AASDH: variants seen among roughly 807,000 people sequenced by gnomAD.
AASDH encodes beta-alanine-activating enzyme.
A neutral mutation model predicts 102.3 loss-of-function variants in AASDH; 81 were observed. That is an observed-to-expected ratio of 0.79 (90% CI 0.66 to 0.95). The LOEUF (loss-of-function observed/expected upper bound fraction) is 0.95, where lower values mean the gene tolerates loss of function less well. AASDH is among the 40% of genes least tolerant of loss of function. The probability of loss-of-function intolerance (pLI) is 0.00; values close to 1 mark genes in which losing one functional copy is unlikely to be tolerated. For missense variants in AASDH, 1,203 were observed against 1,266.2 expected, an observed-to-expected ratio of 0.95 and a Z score of 0.76; for synonymous variants, 398 against 454.0, an observed-to-expected ratio of 0.88 and a Z score of 1.57.
chr4:56,351,413 T>G lies in AASDH; in HGVS notation c.1621A>C (p.Ile541Leu), dbSNP rs1032694635. ...AGCTTATTCTCAGACTTCAAGTTTA[T>G]GTAGTTTAAATATATCTTGTTTAAC... Reference protein sequence around the residue: ...SELNKIYLNYINLKSENKLSG... With the variant: ...SELNKIYLNYLNLKSENKLSG... Residue 541 changes from isoleucine to leucine, a missense_variant, in exon 10 of 15, where the codon ATA (isoleucine) becomes CTA (leucine). Physicochemically the swap from Ile to Leu is conservative, Grantham distance 5. Transcript: ENST00000205214. 6.2e-7 allele frequency: 1 copy of G among 1,603,568 alleles called. No homozygotes were observed. The highest frequency in any genetic ancestry group is 1.1e-5 in the South Asian group (1 of 89,562).
intron 4 of AASDH, among the ~76,000 whole-genome samples, chr4:56,375,899 A>C (rs1310246523): frequency 1.3e-5 from 2 of 151,998 alleles, no homozygotes; most frequent in Non-Finnish European, 2.9e-5. Context: ...CCTCCCATCT[A>C]AATGTATCTT....
chr4:56,372,763 G>T (rs1454035587), intron 4 of AASDH, among the ~76,000 whole-genome samples: 1 of 152,126 alleles, frequency 6.6e-6, no homozygotes, highest in Non-Finnish European at 1.5e-5. Flanking sequence ...ATAAACAAAA[G>T]ACAGTTTAAC....
At chr4:56,380,472 G>A (rs1752830030) in intron 3 of AASDH, among the ~76,000 whole-genome samples, 1 of 152,154 alleles carries the variant, frequency 6.6e-6, no homozygotes, top group Non-Finnish European at 1.5e-5. Flanking sequence ...GTATTGGGTA[G>A]GGGATGTGGT....
At chr4:56,356,769 C>CTAA (rs1749686903) in intron 5 of AASDH, 1 of 726,546 alleles carries the variant, frequency 1.4e-6, no homozygotes, top group Non-Finnish European at 2.5e-6. Flanking sequence ...AAGACAAAGG[C>CTAA]GTTTTGGCTA....
At chr4:56,376,715 T>C (rs1320090135) in intron 4 of AASDH, among the ~76,000 whole-genome samples, 2 of 152,224 alleles carry the variant, frequency 1.3e-5, no homozygotes, top group Non-Finnish European at 2.9e-5. Context: ...GTAATTTTTA[T>C]ATTGATTACA....
intron 3 of AASDH, 23 bp from the exon 4 acceptor site, chr4:56,378,487 T>C (rs1163817877): frequency 6.5e-7 from 1 of 1,527,874 alleles, no homozygotes; most frequent in Non-Finnish European, 8.9e-7. Flanking sequence ...GGGGACAAAG[T>C]TTACAGTATT....
chr4:56,378,342 T>C lies in AASDH; in HGVS notation c.474A>G (p.Gly158=), dbSNP rs2109995943. ...NTEVNLMLND[G]KEKYEKEKIK... ...TTTTTTCTTTTTCATATTTCTCTTT[T>C]CCATCATTTAGCATCAAGTTCACCT... Residue 158 remains glycine (G), a synonymous_variant, in exon 4 of 15, where the codon GGA becomes GGG. Coordinates refer to ENST00000205214, the MANE Select transcript of AASDH (RefSeq NM_181806.4). 1 of 1,614,122 alleles carries C rather than the reference T, an allele frequency of 6.2e-7. No individual in the cohort carries two copies. Among genetic ancestry groups the C allele is most frequent in the African/African-American group, 1.3e-5 (1 of 75,056 alleles).
rs1041295831 is a variant in AASDH at position 56,353,667 on chromosome 4, T to A, written c.1384-71A>T. The A allele has an allele frequency of 7.3e-6, 10 of 1,367,084 alleles. No homozygotes were observed. The Admixed American group carries it at 2.4e-4, about 33-fold the overall frequency. 84.7% of individuals were successfully genotyped at this position (1,367,084 alleles called of 1,614,324 possible). A position where few individuals can be genotyped will look rare whatever the true frequency, so the allele number is the denominator to read the frequency against. On this transcript the variant is annotated intron_variant, in intron 8 of 14. Coordinates refer to ENST00000205214, the MANE Select transcript of AASDH (RefSeq NM_181806.4). ...CAAGCTTCCTAAAAGCTTATTTTTT[T>A]AATGTCTGAAATCAAAACAGCTGAA... is the stretch of plus-strand genomic sequence containing the variant.
intron 5 of AASDH, among the ~76,000 whole-genome samples, chr4:56,363,085 C>T (rs893292725): frequency 6.6e-6 from 1 of 152,262 alleles, no homozygotes; most frequent in South Asian, 2.1e-4. Context: ...TATCCTACAC[C>T]TGGCTCGGAG....
In AASDH at chr4:56,378,330, A is replaced by G. The variant is rs750549283; in HGVS notation, c.486T>C (p.Tyr162=). ...NLMLNDGKEK[Y]EKEKIKSISS... The stretch of plus-strand genomic sequence containing the variant: ...TTATGCTTTTTATTTTTTCTTTTTC[A>G]TATTTCTCTTTTCCATCATTTAGCA... Residue 162 remains tyrosine, a synonymous_variant, in exon 4 of 15, where the codon TAT becomes TAC. Coordinates refer to ENST00000205214, the MANE Select transcript of AASDH (RefSeq NM_181806.4). 6.2e-7 allele frequency: 1 copy of G among 1,613,636 alleles called. No homozygotes were observed. The highest frequency in any genetic ancestry group is 2.2e-5 in the East Asian group (1 of 44,866).
intron 14 of AASDH, 114 bp from the exon 15 acceptor site, chr4:56,338,905 TAAC>T: frequency 2.8e-6 from 3 of 1,060,778 alleles, no homozygotes; most frequent in Non-Finnish European, 4.0e-6. Context: ...ATTTGAATGG[TAAC>T]TATACACAGA....
intron 3 of AASDH, among the ~76,000 whole-genome samples, chr4:56,380,266 T>A (rs749865997): frequency 2.0e-5 from 3 of 152,134 alleles, no homozygotes; most frequent in Non-Finnish European, 4.4e-5. Context: ...AGAAGTGAGT[T>A]TGGATGAAGA....
intron 5 of AASDH, 23 bp from the exon 6 acceptor site, chr4:56,355,446 T>C: frequency 6.3e-7 from 1 of 1,590,586 alleles, no homozygotes; most frequent in East Asian, 2.2e-5. Flanking sequence ...TAAAAATAAT[T>C]TATTTATTTT....
chr4:56,340,609 A>T (rs968908624), intron 14 of AASDH, among the ~76,000 whole-genome samples: 15 of 152,242 alleles, frequency 9.9e-5, no homozygotes, highest in African/African-American at 3.4e-4. Context: ...ACTTCAGGAC[A>T]CTGGTCTAAG....
At chr4:56,385,738 C>A (rs184601343) in intron 1 of AASDH, among the ~76,000 whole-genome samples, 1 of 152,182 alleles carries the variant, frequency 6.6e-6, no homozygotes, top group East Asian at 1.9e-4. Context: ...GCTGGGATTA[C>A]AAGTGCGCGC....
chr4:56,386,533 C>T (rs1018090136), intron 1 of AASDH, among the ~76,000 whole-genome samples: 10 of 152,056 alleles, frequency 6.6e-5, no homozygotes, highest in African/African-American at 2.4e-4. Context: ...GTGGCTCACG[C>T]CTGTAATCCC....
chr4:56,387,157 G>C (rs1387674227), intron 1 of AASDH, among the ~76,000 whole-genome samples: 1 of 152,186 alleles, frequency 6.6e-6, no homozygotes, highest in African/African-American at 2.4e-5. Context: ...TGAATGGAGG[G>C]GCGGAGGCTA....
At chr4:56,363,192 G>T (rs576401811) in intron 5 of AASDH, among the ~76,000 whole-genome samples, 1 of 152,326 alleles carries the variant, frequency 6.6e-6, no homozygotes, top group East Asian at 1.9e-4. Context: ...GCCCACCATC[G>T]CCGAGGCTTG....
At chr4:56,366,954 T>C (rs1156875958) in intron 5 of AASDH, among the ~76,000 whole-genome samples, 6 of 152,048 alleles carry the variant, frequency 3.9e-5, no homozygotes, top group Non-Finnish European at 5.9e-5. Context: ...GATGACATGA[T>C]TGTATATCCA....
Sources: allele counts gnomAD v4.1 joint callset (sites outside exome capture counted in the v4.1 genomes callset), GRCh38; gene constraint gnomAD v4.1.1; transcripts MANE v1.5; gene names NCBI Gene and HGNC (gene_info 2026-07-23, HGNC 2026-07-21).